MYO9B: variants seen among roughly 807,000 people sequenced by gnomAD.
MYO9B encodes the protein myosin IXB, also known as unconventional myosin-IXb.
Under a neutral mutation model 229.5 loss-of-function variants are expected in MYO9B, and 71 were observed. That is an observed-to-expected ratio of 0.31 (90% CI 0.26 to 0.38). The LOEUF is 0.38. Among genes scored for constraint, MYO9B ranks in the 10% least tolerant of loss-of-function variants. MYO9B has a pLI of 1.00. For synonymous variants in MYO9B, 1,185 were observed against 1,235.8 expected (o/e 0.96, Z 0.86); for missense variants, 2,255 against 2,920.5 (o/e 0.77, Z 5.25).
intron 17 of MYO9B, 109 bp downstream of exon 17, chr19:17,185,096 C>T (rs533057768): frequency 1.2e-4 from 175 of 1,513,810 alleles, no homozygotes; most frequent in Middle Eastern, 1.8e-4. Context: ...CAAAAATTGG[C>T]CGGGCGCGGT....
At chr19:17,117,925 G>A (rs1001820963) in intron 2 of MYO9B, among the ~76,000 whole-genome samples, 1 of 121,702 alleles carries the variant, frequency 8.2e-6, no homozygotes, top group Non-Finnish European at 1.6e-5. Context: ...GTGACAGAGC[G>A]ACACTCTTCC....
intron 10 of MYO9B, 136 bp downstream of exon 10, chr19:17,163,258 C>T (rs994897460): frequency 5.2e-6 from 5 of 959,696 alleles, no homozygotes; most frequent in Middle Eastern, 3.0e-4. Context: ...GTTATGCAAA[C>T]GCCACCACCA....
chr19:17,135,887 G>GGTACAAAT (rs2072263062), intron 2 of MYO9B, among the ~76,000 whole-genome samples: 1 of 152,050 alleles, frequency 6.6e-6, no homozygotes, highest in Admixed American at 6.6e-5. Context: ...GGCTCTTTAA[G>GGTACAAAT]GTACAAATGT....
chr19:17,192,531 G>C (rs941218149), intron 20 of MYO9B, among the ~76,000 whole-genome samples: 3 of 152,044 alleles, frequency 2.0e-5, no homozygotes, highest in African/African-American at 7.2e-5. Context: ...GTAGGCGGAG[G>C]TTGCAGTGAG....
intron 35 of MYO9B, 121 bp downstream of exon 35, chr19:17,207,365 T>TGGC: frequency 7.4e-7 from 1 of 1,344,492 alleles, no homozygotes. Flanking sequence ...AGTGCAGCGG[T>TGGC]TCACACCTGT....
intron 20 of MYO9B, among the ~76,000 whole-genome samples, chr19:17,191,865 G>A (rs2145445417): frequency 6.6e-6 from 1 of 152,256 alleles, no homozygotes; most frequent in African/African-American, 2.4e-5. Flanking sequence ...GGTCTCAACT[G>A]CTTGGCAGGC....
intron 2 of MYO9B, among the ~76,000 whole-genome samples, chr19:17,118,526 G>A (rs2057929617): frequency 6.6e-6 from 1 of 151,674 alleles, no homozygotes; most frequent in Non-Finnish European, 1.5e-5. Context: ...CTGTCACCCA[G>A]GCTGGAGTGT....
chr19:17,180,400 G>A (rs1190510694), intron 14 of MYO9B, among the ~76,000 whole-genome samples: 1 of 126,678 alleles, frequency 7.9e-6, no homozygotes, highest in East Asian at 2.6e-4. Flanking sequence ...CCAGGCTGGA[G>A]TGCAATGGAT....
intron 34 of MYO9B, 108 bp from the exon 35 acceptor site, chr19:17,207,005 C>T (rs2073169593): frequency 2.1e-6 from 3 of 1,445,308 alleles, no homozygotes; most frequent in Non-Finnish European, 9.5e-7. Context: ...TGGGCTGTGG[C>T]ACTGCTTTCC....
At chr19:17,162,919 C>T in intron 9 of MYO9B, 69 bp from the exon 10 acceptor site, 1 of 1,542,796 alleles carries the variant, frequency 6.5e-7, no homozygotes, top group Non-Finnish European at 8.8e-7. Flanking sequence ...TAGAGCCAAC[C>T]CCTCTCATGA....
chr19:17,203,488 C>T (rs2073129344), intron 30 of MYO9B, among the ~76,000 whole-genome samples: 1 of 151,972 alleles, frequency 6.6e-6, no homozygotes, highest in Non-Finnish European at 1.5e-5. Context: ...TAGTGGGCAC[C>T]TGTAATCCCA....
At chr19:17,188,191 G>A in intron 19 of MYO9B, 146 bp downstream of exon 19, 1 of 610,286 alleles carries the variant, frequency 1.6e-6, no homozygotes, top group Non-Finnish European at 2.9e-6. Flanking sequence ...CACCTTGGGA[G>A]GCTGAGGCAG....
rs569670592 is a variant in MYO9B at position 17,194,619 on chromosome 19, C to T, written c.3192C>T (p.Ala1064=). ...AEEKEREALE[A]ARAGAEEGGQ... ...AGAAGGAGAGGGAAGCCCTGGAAGC[C>T]GCAAGAGCAGGTGCTGAGGAGGGCG... The change falls in exon 22 of 40, where the codon GCC becomes GCT. Residue 1064 remains alanine (A), a synonymous_variant. Coordinates refer to ENST00000682292, the MANE Select transcript of MYO9B (RefSeq NM_004145.4). 303 of 1,612,860 alleles carry T rather than the reference C, an allele frequency of 1.9e-4. 1 individual carries two copies. Among genetic ancestry groups the T allele is most frequent in the Non-Finnish European group, 2.4e-4 (278 of 1,179,874 alleles).
rs778497291 is a variant in MYO9B, at chr19:17,172,900, C to T, written c.2077C>T (p.Arg693Trp). 6.9e-6 allele frequency: 11 copies of T among 1,602,186 alleles called. No individual in the cohort carries two copies. The highest frequency in any genetic ancestry group is 1.6e-4 in the Middle Eastern group (1 of 6,080). Residue 693 changes from arginine to tryptophan, a missense_variant, in exon 13 of 40, where the codon CGG becomes TGG. This residue lies in a region of MYO9B where 155 missense variants were observed against 159.1 expected (regional missense o/e 0.97). Transcript: ENST00000682292. The surrounding 1 kb of genome is among the most constrained non-coding windows in gnomAD (Gnocchi z 8.2). ...CTGGGCCGTGCTCCGGGCTGCTATCCGGGCCATGGCAGTGCTTCGGGAGGC... is the reference window on the plus strand; with the variant it reads ...CTGGGCCGTGCTCCGGGCTGCTATCTGGGCCATGGCAGTGCTTCGGGAGGC... Reference protein sequence around the residue: ...FRWAVLRAAIRAMAVLREAGR... With the variant: ...FRWAVLRAAIWAMAVLREAGR...
chr19:17,195,411 C>T lies in MYO9B; in HGVS notation c.3984C>T (p.Leu1328=). The change falls in exon 22 of 40, where the codon CTC becomes CTT. Residue 1328 remains leucine, a synonymous_variant. Transcript: ENST00000682292. The surrounding 1 kb of genome is among the most constrained non-coding windows in gnomAD (Gnocchi z 4.5). ...CCGCCGCCAGCCCTAGTGCCATGCT[C>T]AGCCAGTCCCTGGACCTCAGCGACA... is the stretch of plus-strand genomic sequence containing the variant. ...LVAAASPSAM[L]SQSLDLSDRH... 1 of 1,608,866 alleles carries T rather than the reference C, an allele frequency of 6.2e-7. No individual in the cohort carries two copies. Among genetic ancestry groups the T allele is most frequent in the African/African-American group, 1.3e-5 (1 of 75,036 alleles).
In MYO9B at chr19:17,172,242, C is replaced by T. The variant is rs1288582107; in HGVS notation, c.1794-94C>T. On this transcript the variant is annotated intron_variant, in intron 11 of 39. Coordinates refer to ENST00000682292, the MANE Select transcript of MYO9B (RefSeq NM_004145.4). The surrounding 1 kb of genome is among the most constrained non-coding windows in gnomAD (Gnocchi z 8.2). Reference sequence around the variant, plus strand: ...CTGCTCTGCCCACCCCATGCACCCACCCACCTCGTGCACCAGGGGTCTGCA... The same window carrying T: ...CTGCTCTGCCCACCCCATGCACCCATCCACCTCGTGCACCAGGGGTCTGCA... The T allele has an allele frequency of 2.0e-6, 3 of 1,500,596 alleles. No individual in the cohort carries two copies. Among genetic ancestry groups the T allele is most frequent in the Admixed American group, 1.9e-5 (1 of 53,092 alleles). The allele number at this position is 1,500,596 out of a possible 1,614,324, so 93.0% of individuals were successfully genotyped here. A position where few individuals can be genotyped will look rare whatever the true frequency, so the allele number is the denominator to read the frequency against.
intron 38 of MYO9B, among the ~76,000 whole-genome samples, chr19:17,211,053 G>A (rs945325117): frequency 6.6e-5 from 9 of 135,880 alleles, no homozygotes; most frequent in South Asian, 4.6e-4. Flanking sequence ...GTGCTATCTC[G>A]GCTCACTGCA....
At position 17,195,129 on chromosome 19, in the gene MYO9B, T is replaced by G; in HGVS notation, c.3702T>G (p.Thr1234=). The stretch of plus-strand genomic sequence containing the variant: ...CAGTTGGCAAGGTCTCTGAAGAAAC[T>G]GAGAAGACGCTGCCCAGTGGGAGCC... ...AMAVGKVSEE[T]EKTLPSGSPR... The change falls in exon 22 of 40, where the codon ACT becomes ACG. Residue 1234 remains threonine (T), a synonymous_variant. Transcript: ENST00000682292. This position sits in a 1 kb window ranked among gnomAD's most constrained non-coding sequence, Gnocchi z 4.5. The G allele has an allele frequency of 3.1e-6, 5 of 1,611,784 alleles. No individual in the cohort carries two copies. Among genetic ancestry groups the G allele is most frequent in the Non-Finnish European group, 4.2e-6 (5 of 1,179,522 alleles).
rs764580075 is a variant in MYO9B at position 17,200,466 on chromosome 19, C to T, written c.4372+40C>T. The T allele has an allele frequency of 7.8e-6, 12 of 1,544,782 alleles. No individual in the cohort carries two copies. The East Asian group carries it at 9.7e-5, about 12-fold the overall frequency. On this transcript the variant is annotated intron_variant, in intron 25 of 39. Transcript: ENST00000682292. ...GCCTCAGGGACAGACAGTAGAGCCA[C>T]CAGTGCCCCTGGGGACATTCACTGT... is the stretch of plus-strand genomic sequence containing the variant.
Sources: allele counts gnomAD v4.1 joint callset (sites outside exome capture counted in the v4.1 genomes callset), GRCh38; gene constraint gnomAD v4.1.1; regional missense constraint gnomAD v4.1.1; non-coding constraint Gnocchi (gnomAD v3.1); transcripts MANE v1.5; gene names NCBI Gene and HGNC (gene_info 2026-07-23, HGNC 2026-07-21).